MPPED2: variants seen among roughly 807,000 people sequenced by gnomAD.
MPPED2 encodes metallophosphoesterase MPPED2.
A neutral mutation model predicts 33.0 loss-of-function variants in MPPED2; 5 were observed. The observed-to-expected ratio is 0.15, with a 90% confidence interval of 0.08 to 0.32. The LOEUF is 0.32. Ranked by LOEUF, MPPED2 falls within the 10% of genes least tolerant of loss-of-function variation. The pLI is 1.00. For missense variants in MPPED2, 275 were observed against 372.1 expected, an observed-to-expected ratio of 0.74 and a Z score of 2.15; for synonymous variants, 136 against 141.9, an observed-to-expected ratio of 0.96 and a Z score of 0.29.
At chr11:30,417,411 CTTTT>C (rs11354702) in intron 5 of MPPED2, 103 bp downstream of exon 5, 339 of 435,966 alleles carry the variant, frequency 7.8e-4, no homozygotes, top group South Asian at 1.5e-3. Flanking sequence ...CTCGTATTCA[CTTTT>C]TTTTTTTTTT....
chr11:30,583,352 A>G (rs530883546), intron 1 of MPPED2, among the ~76,000 whole-genome samples: 25 of 151,548 alleles, frequency 1.6e-4, no homozygotes, highest in Non-Finnish European at 2.8e-4. Context: ...ACTTACTTTA[A>G]CTTTTTACAC....
chr11:30,576,928 A>G (rs1275153274), intron 2 of MPPED2, among the ~76,000 whole-genome samples: 2 of 152,116 alleles, frequency 1.3e-5, no homozygotes, highest in African/African-American at 4.8e-5. Context: ...CAAGCCAGTC[A>G]TTCTTAGAGA....
chr11:30,454,489 A>T (rs1159895252), intron 4 of MPPED2, among the ~76,000 whole-genome samples: 1 of 151,670 alleles, frequency 6.6e-6, no homozygotes, highest in Non-Finnish European at 1.5e-5. Context: ...AAAATTATAA[A>T]TTTTTTTTTA....
intron 2 of MPPED2, among the ~76,000 whole-genome samples, chr11:30,576,291 A>G (rs578237): frequency 0.95 from 144,007 of 152,212 alleles, 68,192 homozygotes; most frequent in East Asian, 0.98. Flanking sequence ...CACAGGTGAT[A>G]TTGACCACTA....
chr11:30,434,378 ACAATAGC>A (rs1949224643), intron 4 of MPPED2, among the ~76,000 whole-genome samples: 1 of 152,152 alleles, frequency 6.6e-6, no homozygotes, highest in Non-Finnish European at 1.5e-5. Flanking sequence ...CAGCTCATCC[ACAATAGC>A]CCCTGAACAG....
At chr11:30,509,943 A>C (rs570803061) in intron 3 of MPPED2, among the ~76,000 whole-genome samples, 1 of 152,312 alleles carries the variant, frequency 6.6e-6, no homozygotes, top group Admixed American at 6.5e-5. Context: ...ACCGGGTCAG[A>C]GATTTAAATG....
chr11:30,421,295 T>C (rs1041578597), intron 4 of MPPED2, among the ~76,000 whole-genome samples: 1 of 152,206 alleles, frequency 6.6e-6, no homozygotes, highest in East Asian at 1.9e-4. Context: ...ATAAGTGCTC[T>C]GTAAAAGATA....
chr11:30,482,101 C>G (rs934729924), intron 4 of MPPED2, among the ~76,000 whole-genome samples: 1 of 152,074 alleles, frequency 6.6e-6, no homozygotes, highest in Non-Finnish European at 1.5e-5. Flanking sequence ...TTCTTCCTGA[C>G]TGTAAAAATA....
At chr11:30,432,631 G>A (rs991120852) in intron 4 of MPPED2, among the ~76,000 whole-genome samples, 1 of 151,898 alleles carries the variant, frequency 6.6e-6, no homozygotes, top group Non-Finnish European at 1.5e-5. Flanking sequence ...AAAAACATAC[G>A]CCCTAGAATG....
chr11:30,476,556 T>C (rs765783714), intron 4 of MPPED2, among the ~76,000 whole-genome samples: 1 of 152,006 alleles, frequency 6.6e-6, no homozygotes, highest in African/African-American at 2.4e-5. Flanking sequence ...CATTTGGCTG[T>C]ATATATATGG....
At chr11:30,540,261 A>C (rs1955025267) in intron 2 of MPPED2, among the ~76,000 whole-genome samples, 1 of 152,206 alleles carries the variant, frequency 6.6e-6, no homozygotes. Context: ...ATGCTCCAAA[A>C]ATAGAGTAGC....
intron 4 of MPPED2, among the ~76,000 whole-genome samples, chr11:30,446,807 C>A (rs1310455240): frequency 6.6e-6 from 1 of 152,160 alleles, no homozygotes; most frequent in African/African-American, 2.4e-5. Flanking sequence ...TGTCGGAGCC[C>A]CCCCCGACGC....
chr11:30,559,675 T>C (rs961751311), intron 2 of MPPED2, among the ~76,000 whole-genome samples: 14 of 152,178 alleles, frequency 9.2e-5, no homozygotes, highest in African/African-American at 2.9e-4. Context: ...AAGTTATTTT[T>C]TTAATTTTAG....
chr11:30,460,726 G>A (rs1346514141), intron 4 of MPPED2, among the ~76,000 whole-genome samples: 1 of 152,196 alleles, frequency 6.6e-6, no homozygotes, highest in East Asian at 1.9e-4. Flanking sequence ...GTTGAGAGTA[G>A]GGTGTGATGG....
intron 3 of MPPED2, among the ~76,000 whole-genome samples, chr11:30,503,472 G>A (rs550619572): frequency 6.6e-6 from 1 of 152,196 alleles, no homozygotes; most frequent in Non-Finnish European, 1.5e-5. Context: ...ACAATCATCA[G>A]GTCGTGGTTA....
rs1352432074 is a variant in MPPED2 at position 30,489,772 on chromosome 11, G to A, written c.536+5524C>T. Among the ~76,000 whole-genome samples the A allele has an allele frequency of 3.3e-5, 5 of 152,304 alleles. No individual in the cohort carries two copies. In the East Asian group the frequency reaches 7.7e-4, roughly 24 times the overall value. The stretch of plus-strand genomic sequence containing the variant: ...CCACTCATATTCATTAAAAGCCACG[G>A]GAGACCAGCTCTGTATTTCTGTTCA... On this transcript the variant is annotated intron_variant, in intron 4 of 6. Coordinates refer to ENST00000358117, the MANE Select transcript of MPPED2 (RefSeq NM_001584.3).
intron 4 of MPPED2, among the ~76,000 whole-genome samples, chr11:30,460,985 T>C (rs1420137184): frequency 4.6e-5 from 7 of 152,198 alleles, no homozygotes; most frequent in Non-Finnish European, 1.0e-4. Context: ...CATGTGTCCA[T>C]TGACGAATGG....
At chr11:30,422,026 G>A (rs1948637108) in intron 4 of MPPED2, among the ~76,000 whole-genome samples, 1 of 152,192 alleles carries the variant, frequency 6.6e-6, no homozygotes, top group Admixed American at 6.5e-5. Context: ...ATACAGAAGT[G>A]GGGAGATGTG....
chr11:30,499,973 T>C (rs1952481433), intron 3 of MPPED2, among the ~76,000 whole-genome samples: 1 of 152,300 alleles, frequency 6.6e-6, no homozygotes, highest in African/African-American at 2.4e-5. Context: ...AAAACTGACC[T>C]CCAGTCTGCC....
Sources: gnomAD v4.1 joint callset for allele counts (sites outside exome capture counted in the v4.1 genomes callset) on GRCh38, gnomAD v4.1.1 for gene constraint, MANE v1.5 for transcripts, NCBI Gene and HGNC (gene_info 2026-07-23, HGNC 2026-07-21) for gene names.